The following CTNNA3 variants were observed in gnomAD, a reference collection of about 807,000 sequenced individuals.
The protein encoded by CTNNA3 is catenin alpha-3.
CTNNA3 carries 76 observed loss-of-function variants against 95.7 expected under a neutral mutation model. The ratio of observed to expected loss-of-function variants is 0.79; its 90% CI spans 0.66 to 0.96. The LOEUF (loss-of-function observed/expected upper bound fraction) is 0.96, where lower values mean the gene tolerates loss of function less well. Among genes scored for constraint, CTNNA3 ranks in the 40% least tolerant of loss-of-function variants. The pLI is 0.00. For synonymous variants in CTNNA3, 431 were observed against 374.4 expected (o/e 1.15, Z -1.74); for missense variants, 1,191 against 1,089.8 (o/e 1.09, Z -1.31).
chr10:66,482,170 C>T (rs1435943320), intron 11 of CTNNA3, among the ~76,000 whole-genome samples: 2 of 152,134 alleles, frequency 1.3e-5, no homozygotes, highest in African/African-American at 2.4e-5. Context: ...ATGTCTAACG[C>T]AGACTGTCCC....
chr10:66,352,244 T>C lies in CTNNA3; in HGVS notation c.1732+26908A>G, dbSNP rs139856804. Among the ~76,000 whole-genome samples, 191 of 152,202 alleles carry C rather than the reference T, an allele frequency of 1.3e-3. 1 individual carries two copies. The highest frequency in any genetic ancestry group is 4.6e-3 in the African/African-American group (190 of 41,564). ...GAAGACTCAAACATACATGGGCTCTTTGGGGCTACCCTCCCTCCTTGTATC... is the reference window on the plus strand; with the variant it reads ...GAAGACTCAAACATACATGGGCTCTCTGGGGCTACCCTCCCTCCTTGTATC... On this transcript the variant is annotated intron_variant, in intron 12 of 17. Transcript: ENST00000433211.
chr10:66,260,053 T>A (rs1273742284), intron 13 of CTNNA3, among the ~76,000 whole-genome samples: 2 of 152,108 alleles, frequency 1.3e-5, no homozygotes. Flanking sequence ...CTCTGACCTC[T>A]CACTTCCCCA....
chr10:66,611,142 A>G lies in CTNNA3; in HGVS notation c.1374+10550T>C, dbSNP rs559782117. Among the ~76,000 whole-genome samples the G allele has an allele frequency of 2.8e-4, 42 of 152,228 alleles. No individual in the cohort carries two copies. The South Asian group carries it at 5.4e-3, about 20-fold the overall frequency. On this transcript the variant is annotated intron_variant, in intron 10 of 17. Transcript: ENST00000433211. ...GGTTACCAGAGGCCGGAAAGAGAAT[A>G]AGGGGCAGTGAAGAGAAGTTGGTTA...
At chr10:66,691,760 A>C (rs1468451373) in intron 9 of CTNNA3, among the ~76,000 whole-genome samples, 1 of 152,160 alleles carries the variant, frequency 6.6e-6, no homozygotes, top group Non-Finnish European at 1.5e-5. Flanking sequence ...CCTCTGAGAC[A>C]AAACTTCCAG....
chr10:66,427,277 T>C (rs979821382), intron 11 of CTNNA3, among the ~76,000 whole-genome samples: 1 of 151,860 alleles, frequency 6.6e-6, no homozygotes, highest in Non-Finnish European at 1.5e-5. Context: ...CTGCCATGTG[T>C]TTCTTGATTT....
intron 7 of CTNNA3, among the ~76,000 whole-genome samples, chr10:66,837,016 G>A (rs1289596438): frequency 9.9e-5 from 15 of 152,096 alleles, no homozygotes; most frequent in Admixed American, 3.3e-4. Flanking sequence ...AAAGGTGACT[G>A]TAAAAGTGAA....
At chr10:66,033,326 A>G (rs1310958205) in intron 15 of CTNNA3, among the ~76,000 whole-genome samples, 1 of 151,416 alleles carries the variant, frequency 6.6e-6, no homozygotes, top group Non-Finnish European at 1.5e-5. Flanking sequence ...TAGTAGAGAC[A>G]GGGTTTCACC....
At chr10:66,997,673 A>G (rs1256562916) in intron 7 of CTNNA3, among the ~76,000 whole-genome samples, 5 of 152,154 alleles carry the variant, frequency 3.3e-5, no homozygotes, top group Non-Finnish European at 4.4e-5. Context: ...ATTTCTTCCC[A>G]AGCAAGTTTG....
chr10:67,638,021 C>T lies in CTNNA3; in HGVS notation c.99+9394G>A, dbSNP rs1377532089. ...CAAATTCACACATAACAATATTAAC[C>T]TTAAATGTAAATGGGCTAAACACTC... On this transcript the variant is annotated intron_variant, in intron 2 of 17. Transcript: ENST00000433211. Among the ~76,000 whole-genome samples, 8 of 152,204 alleles carry T rather than the reference C, an allele frequency of 5.3e-5. 1 individual carries two copies. The South Asian group carries it at 8.3e-4, about 16-fold the overall frequency.
At chr10:67,272,594 A>T (rs950683128) in intron 5 of CTNNA3, among the ~76,000 whole-genome samples, 1 of 152,164 alleles carries the variant, frequency 6.6e-6, no homozygotes, top group African/African-American at 2.4e-5. Flanking sequence ...TTAAATAAAA[A>T]TCTTAAGCAA....
At chr10:66,468,518 A>G (rs919016604) in intron 11 of CTNNA3, among the ~76,000 whole-genome samples, 2 of 151,966 alleles carry the variant, frequency 1.3e-5, no homozygotes, top group African/African-American at 2.4e-5. Context: ...TCATTTAGGT[A>G]GCATAAAGAA....
At chr10:67,175,155 G>A (rs1862185909) in intron 7 of CTNNA3, among the ~76,000 whole-genome samples, 1 of 140,736 alleles carries the variant, frequency 7.1e-6, no homozygotes, top group African/African-American at 2.6e-5. Flanking sequence ...AGGGAGGGAG[G>A]GAGGGAAAGA....
intron 11 of CTNNA3, among the ~76,000 whole-genome samples, chr10:66,459,328 A>G (rs576349149): frequency 5.2e-4 from 79 of 152,236 alleles, no homozygotes; most frequent in Non-Finnish European, 8.2e-4. Flanking sequence ...CTAAGTTTTG[A>G]GGGAGTTGAA....
chr10:67,455,482 A>G (rs1485577091), intron 5 of CTNNA3, among the ~76,000 whole-genome samples: 1 of 152,160 alleles, frequency 6.6e-6, no homozygotes, highest in African/African-American at 2.4e-5. Flanking sequence ...ACAGGAGAGT[A>G]GGAAGGGGAA....
chr10:66,977,312 T>G (rs1055109648), intron 7 of CTNNA3, among the ~76,000 whole-genome samples: 1 of 152,064 alleles, frequency 6.6e-6, no homozygotes, highest in African/African-American at 2.4e-5. Flanking sequence ...GGCTGGTACC[T>G]GTAGTCCCAG....
chr10:67,740,124 G>C (rs1373055075), intron 1 of CTNNA3, among the ~76,000 whole-genome samples: 1 of 152,174 alleles, frequency 6.6e-6, no homozygotes, highest in South Asian at 2.1e-4. Context: ...GTTGAAACTG[G>C]ATCCCTTCCT....
chr10:66,213,166 T>C (rs1392297914), intron 13 of CTNNA3, among the ~76,000 whole-genome samples: 1 of 152,208 alleles, frequency 6.6e-6, no homozygotes, highest in African/African-American at 2.4e-5. Flanking sequence ...AATTTAAAGG[T>C]ATTTTCTTTT....
intron 13 of CTNNA3, among the ~76,000 whole-genome samples, chr10:66,203,072 C>A (rs1273869170): frequency 6.6e-6 from 1 of 152,126 alleles, no homozygotes; most frequent in Non-Finnish European, 1.5e-5. Flanking sequence ...AAATTACAAA[C>A]AAAACTTTAG....
chr10:66,610,977 A>T (rs1462219199), intron 10 of CTNNA3, among the ~76,000 whole-genome samples: 1 of 152,182 alleles, frequency 6.6e-6, no homozygotes, highest in Non-Finnish European at 1.5e-5. Flanking sequence ...TTCAGCCACA[A>T]AAAAATGAAA....
Sources: allele counts gnomAD v4.1 joint callset (sites outside exome capture counted in the v4.1 genomes callset), GRCh38; gene constraint gnomAD v4.1.1; transcripts MANE v1.5; gene names NCBI Gene and HGNC (gene_info 2026-07-23, HGNC 2026-07-21).